SEC24B: variants seen among roughly 807,000 people sequenced by gnomAD.
SEC24B encodes protein transport protein Sec24B.
Under a neutral mutation model 142.8 loss-of-function variants are expected in SEC24B, and 45 were observed. The ratio of observed to expected loss-of-function variants is 0.32; its 90% confidence interval spans 0.25 to 0.40. The LOEUF is 0.40. Among genes scored for constraint, SEC24B ranks in the 10% least tolerant of loss-of-function variants. The probability of loss-of-function intolerance (pLI) is 1.00; values close to 1 mark genes in which losing one functional copy is unlikely to be tolerated. For synonymous variants in SEC24B, 574 were observed against 568.2 expected, an observed-to-expected ratio of 1.01 and a Z score of -0.15; for missense variants, 1,409 against 1,526.8, an observed-to-expected ratio of 0.92 and a Z score of 1.29.
chr4:109,441,094 G>A (rs1328285665), intron 1 of SEC24B, among the ~76,000 whole-genome samples: 1 of 152,144 alleles, frequency 6.6e-6, no homozygotes, highest in East Asian at 1.9e-4. Context: ...TTTGTAACAG[G>A]AACTGAGGAA....
intron 22 of SEC24B, 39 bp from the exon 23 acceptor site, chr4:109,538,454 T>G: frequency 7.2e-7 from 1 of 1,398,130 alleles, no homozygotes; most frequent in East Asian, 2.3e-5. Flanking sequence ...CTGAAGTCTA[T>G]GAGAAAGGAA....
intron 2 of SEC24B, among the ~76,000 whole-genome samples, chr4:109,465,232 A>G (rs1440577627): frequency 6.6e-6 from 1 of 152,204 alleles, no homozygotes; most frequent in Non-Finnish European, 1.5e-5. Context: ...GAGTCAACTC[A>G]AAGTGTCTGT....
chr4:109,456,341 T>TTTTG (rs1553995211), intron 1 of SEC24B, among the ~76,000 whole-genome samples: 40 of 149,866 alleles, frequency 2.7e-4, no homozygotes, highest in African/African-American at 8.3e-4. Context: ...TTTGTTTTTT[T>TTTTG]TTTTTTTTTT....
intron 5 of SEC24B, among the ~76,000 whole-genome samples, chr4:109,491,908 G>A (rs951857763): frequency 2.6e-5 from 4 of 152,050 alleles, no homozygotes; most frequent in Non-Finnish European, 4.4e-5. Flanking sequence ...TTACATTCAA[G>A]TACAGGAGTA....
chr4:109,502,895 AT>A (rs898217123), intron 6 of SEC24B, among the ~76,000 whole-genome samples: 3 of 151,706 alleles, frequency 2.0e-5, no homozygotes, highest in Admixed American at 1.3e-4. Context: ...CCCTGTTTAT[AT>A]TTTTTCACCA....
intron 1 of SEC24B, among the ~76,000 whole-genome samples, chr4:109,434,488 T>A (rs1266988139): frequency 6.6e-6 from 1 of 152,212 alleles, no homozygotes; most frequent in Non-Finnish European, 1.5e-5. Flanking sequence ...GTGCCCTTCC[T>A]GTCTCAGGAA....
chr4:109,530,483 C>A lies in SEC24B; in HGVS notation c.3252+19C>A. 6.3e-7 allele frequency: 1 copy of A among 1,581,792 alleles called. No individual in the cohort carries two copies. The highest frequency in any genetic ancestry group is 8.6e-7 in the Non-Finnish European group (1 of 1,159,654). ...CAAACAGGTAGCTTTTTATACATTG[C>A]TATATTTAATATTGTTTTTTAAAAT... On this transcript the variant is annotated intron_variant, in intron 19 of 23. Transcript: ENST00000265175.
chr4:109,443,566 G>A (rs1425530908), intron 1 of SEC24B, among the ~76,000 whole-genome samples: 1 of 152,018 alleles, frequency 6.6e-6, no homozygotes, highest in Non-Finnish European at 1.5e-5. Flanking sequence ...ACAATTCCTA[G>A]CAAATATTTA....
chr4:109,513,641 C>G (rs191841787), intron 9 of SEC24B, 106 bp from the exon 10 acceptor site: 225 of 688,344 alleles, frequency 3.3e-4, no homozygotes, highest in African/African-American at 3.2e-3. Flanking sequence ...AGAACTGTTG[C>G]TAAACCTCGT....
At chr4:109,480,821 C>T (rs894125090) in intron 3 of SEC24B, among the ~76,000 whole-genome samples, 1 of 152,118 alleles carries the variant, frequency 6.6e-6, no homozygotes, top group Admixed American at 6.5e-5. Flanking sequence ...CTCTTAAAAA[C>T]GGTATATATG....
chr4:109,532,807 A>G (rs2126098993), intron 21 of SEC24B, 64 bp downstream of exon 21: 2 of 810,466 alleles, frequency 2.5e-6, no homozygotes, highest in Admixed American at 2.0e-5. Context: ...AGAAACACTT[A>G]TAGGGTCCAG....
At chr4:109,531,644 G>C in intron 20 of SEC24B, 122 bp downstream of exon 20, 1 of 664,264 alleles carries the variant, frequency 1.5e-6, no homozygotes, top group Non-Finnish European at 2.5e-6. Context: ...CCCCCTTGTG[G>C]TAGTAATACA....
chr4:109,521,064 C>G (rs1578972872), intron 12 of SEC24B, 53 bp from the exon 13 acceptor site: 1 of 1,135,044 alleles, frequency 8.8e-7, no homozygotes, highest in Non-Finnish European at 1.3e-6. Flanking sequence ...CTAAGATTTT[C>G]TAATGTATTC....
At position 109,472,986 on chromosome 4, in the gene SEC24B, A is replaced by G. The variant is rs1231193638; in HGVS notation, c.878-18A>G. The G allele has an allele frequency of 4.1e-6, 6 of 1,458,700 alleles. No individual in the cohort carries two copies. The highest frequency in any genetic ancestry group is 2.5e-5 in the Admixed American group (1 of 40,202). 90.4% of individuals were successfully genotyped at this position (1,458,700 alleles called of 1,614,324 possible). On this transcript the variant is annotated intron_variant, in intron 2 of 23. Coordinates refer to ENST00000265175, the MANE Select transcript of SEC24B (RefSeq NM_006323.5). ...TATATTTCAAGTTTCTGTGGATGAAATAGTTTCTTCTCTTCAGTTGCAGAT... is the reference window on the plus strand; with the variant it reads ...TATATTTCAAGTTTCTGTGGATGAAGTAGTTTCTTCTCTTCAGTTGCAGAT...
chr4:109,532,788 CA>C, intron 21 of SEC24B, 45 bp downstream of exon 21: 1 of 981,376 alleles, frequency 1.0e-6, no homozygotes, highest in Non-Finnish European at 1.6e-6. Context: ...TTGAGCTGAC[CA>C]AAAACAAAGA....
At chr4:109,461,330 A>AT (rs1362524098) in intron 1 of SEC24B, among the ~76,000 whole-genome samples, 1 of 152,240 alleles carries the variant, frequency 6.6e-6, no homozygotes, top group Non-Finnish European at 1.5e-5. Context: ...AATAATGTCA[A>AT]TTTTAAAAAC....
intron 22 of SEC24B, among the ~76,000 whole-genome samples, chr4:109,535,712 C>T (rs1725459980): frequency 6.6e-6 from 1 of 151,908 alleles, no homozygotes; most frequent in African/African-American, 2.4e-5. Context: ...ATTAGCTGGG[C>T]GTGGTGGCAG....
At chr4:109,516,663 CTATACATATGTGTATGTTATATATA>C in intron 11 of SEC24B, 23 bp downstream of exon 11, 2 of 1,268,296 alleles carry the variant, frequency 1.6e-6, no homozygotes, top group Non-Finnish European at 2.3e-6. Context: ...TTAATTCATA[CTATACATATGTGTATGTTATATATA>C]TAAATGTGTA....
chr4:109,507,197 T>G (rs937416999), intron 7 of SEC24B, among the ~76,000 whole-genome samples: 3 of 152,132 alleles, frequency 2.0e-5, no homozygotes, highest in African/African-American at 4.8e-5. Context: ...GTTTTTTTCT[T>G]TTTTTGGAAG....
Sources: gnomAD v4.1 joint callset for allele counts (sites outside exome capture counted in the v4.1 genomes callset) on GRCh38, gnomAD v4.1.1 for gene constraint, MANE v1.5 for transcripts, NCBI Gene and HGNC (gene_info 2026-07-23, HGNC 2026-07-21) for gene names.